Variants in IGFBP7 observed in about 807,000 individuals in gnomAD.
The protein encoded by IGFBP7 is insulin-like growth factor-binding protein 7.
In IGFBP7, 31 loss-of-function variants were observed where a neutral mutation model predicts 29.4. That is an observed-to-expected ratio of 1.05 (90% CI 0.79 to 1.42). The LOEUF is 1.42. Ranked by LOEUF, IGFBP7 falls within the 40% of genes most tolerant of loss-of-function variation. The pLI, the probability that IGFBP7 is intolerant of heterozygous loss-of-function variation, is 0.00. For missense variants in IGFBP7, 393 were observed against 395.5 expected (o/e 0.99, Z 0.05); for synonymous variants, 172 against 174.9 (o/e 0.98, Z 0.13).
In IGFBP7 at chr4:57,110,354, C is replaced by A. The variant is rs11573020; in HGVS notation, c.-3G>T. On this transcript the variant is annotated 5_prime_UTR_variant, in exon 1 of 5. Coordinates refer to ENST00000295666, the MANE Select transcript of IGFBP7 (RefSeq NM_001553.3). ...GCGCGCAGCGACGGCCGCTCCATGG[C>A]GGGGTGCGGTGGCAGCGGCAAGGGC... 3.0e-6 allele frequency: 4 copies of A among 1,350,416 alleles called. No individual in the cohort carries two copies. The East Asian group carries it at 9.5e-5, about 32-fold the overall frequency. 83.7% of individuals were successfully genotyped at this position (1,350,416 alleles called of 1,614,324 possible). A position where few individuals can be genotyped will look rare whatever the true frequency, so the allele number is the denominator to read the frequency against.
At chr4:57,091,152 C>G (rs1259453933) in intron 1 of IGFBP7, among the ~76,000 whole-genome samples, 1 of 152,158 alleles carries the variant, frequency 6.6e-6, no homozygotes, top group African/African-American at 2.4e-5. Context: ...TCTTCAAAAA[C>G]ACACACACGG....
intron 1 of IGFBP7, among the ~76,000 whole-genome samples, chr4:57,065,268 A>G (rs1724891342): frequency 6.6e-6 from 1 of 152,230 alleles, no homozygotes; most frequent in East Asian, 1.9e-4. Flanking sequence ...CACACACATA[A>G]GCAAAACCCA....
At chr4:57,043,524 A>G (rs998955321) in intron 1 of IGFBP7, among the ~76,000 whole-genome samples, 6 of 152,240 alleles carry the variant, frequency 3.9e-5, no homozygotes, top group African/African-American at 1.2e-4. Flanking sequence ...TTCTTGAAAC[A>G]GAAAGGAAAT....
chr4:57,110,281 G>A lies in IGFBP7; in HGVS notation c.71C>T (p.Ser24Phe). The change falls in exon 1 of 5, where the codon TCC becomes TTC. Residue 24 changes from serine to phenylalanine, a missense_variant. Ser to Phe is a radical substitution (Grantham distance 155, BLOSUM62 -2). Coordinates refer to ENST00000295666, the MANE Select transcript of IGFBP7 (RefSeq NM_001553.3). Reference sequence around the variant, plus strand: ...GCAGGTGTCCGAAGAGGAGGAAGAGGAGAGGGGCAGGAGCAGGAGCAGCAG... The same window carrying A: ...GCAGGTGTCCGAAGAGGAGGAAGAGAAGAGGGGCAGGAGCAGGAGCAGCAG... Reference protein sequence around the residue: ...AGLLLLLLPLSSSSSSDTCGP... With the variant: ...AGLLLLLLPLFSSSSSDTCGP... 1 of 1,428,922 alleles carries A rather than the reference G, an allele frequency of 7.0e-7. No homozygotes were observed. Among genetic ancestry groups the A allele is most frequent in the Non-Finnish European group, 9.2e-7 (1 of 1,092,302 alleles). The allele number at this position is 1,428,922 out of a possible 1,614,324, so 88.5% of individuals were successfully genotyped here.
chr4:57,039,643 C>CTTTT (rs10716496), intron 2 of IGFBP7, among the ~76,000 whole-genome samples: 10 of 128,664 alleles, frequency 7.8e-5, no homozygotes, highest in East Asian at 4.6e-4. Context: ...AATTCACACT[C>CTTTT]TTTTTTTTTT....
intron 1 of IGFBP7, among the ~76,000 whole-genome samples, chr4:57,099,984 C>T (rs951476966): frequency 6.6e-6 from 1 of 152,054 alleles, no homozygotes; most frequent in Non-Finnish European, 1.5e-5. Flanking sequence ...GGATCCTCTG[C>T]ATCAGCCTCC....
intron 1 of IGFBP7, among the ~76,000 whole-genome samples, chr4:57,087,789 C>A (rs1263131124): frequency 1.3e-5 from 2 of 152,202 alleles, no homozygotes; most frequent in Non-Finnish European, 1.5e-5. Flanking sequence ...GTCCTGCTTG[C>A]TCCATTTCAC....
At chr4:57,065,523 C>T (rs1480285762) in intron 1 of IGFBP7, 1 of 152,228 alleles carries the variant, frequency 6.6e-6, no homozygotes, top group African/African-American at 2.4e-5. Flanking sequence ...TGCCAACAGG[C>T]AAACACCCCC....
At chr4:57,077,671 T>G (rs1725259745) in intron 1 of IGFBP7, among the ~76,000 whole-genome samples, 1 of 152,202 alleles carries the variant, frequency 6.6e-6, no homozygotes, top group East Asian at 1.9e-4. Context: ...CAGCCTTCAG[T>G]TGAATCTTGT....
At chr4:57,044,666 C>T (rs1724315384) in intron 1 of IGFBP7, among the ~76,000 whole-genome samples, 1 of 151,818 alleles carries the variant, frequency 6.6e-6, no homozygotes, top group Non-Finnish European at 1.5e-5. Context: ...GTAAGACCCA[C>T]TGTATATGTG....
chr4:57,037,483 C>T (rs1301802555), intron 2 of IGFBP7, among the ~76,000 whole-genome samples: 3 of 151,836 alleles, frequency 2.0e-5, no homozygotes, highest in African/African-American at 7.3e-5. Context: ...TCAAGCGATC[C>T]TCCCACCTCA....
chr4:57,092,167 C>G (rs1196878737), intron 1 of IGFBP7, among the ~76,000 whole-genome samples: 6 of 152,164 alleles, frequency 3.9e-5, no homozygotes, highest in Non-Finnish European at 8.8e-5. Flanking sequence ...GCTGCCCTTA[C>G]AACAAACATT....
intron 1 of IGFBP7, among the ~76,000 whole-genome samples, chr4:57,065,316 G>C (rs1724892218): frequency 6.6e-6 from 1 of 152,242 alleles, no homozygotes; most frequent in East Asian, 1.9e-4. Context: ...TGGAGCAAAA[G>C]AGATGAGTTT....
rs149387233 is a variant in IGFBP7 at position 57,049,600 on chromosome 4, C to T, written c.476-8667G>A. Among the ~76,000 whole-genome samples the T allele has an allele frequency of 5.3e-3, 808 of 152,184 alleles. 3 individuals carry two copies. The highest frequency in any genetic ancestry group is 0.018 in the South Asian group (86 of 4,826). On this transcript the variant is annotated intron_variant, in intron 1 of 4. Coordinates refer to ENST00000295666, the MANE Select transcript of IGFBP7 (RefSeq NM_001553.3). ...TTTCATTTCTCTTTGACATTTTTTG[C>T]GGCCTGACAGCTTCAGGCTCCCCCT...
Position 57,030,935 on chromosome 4 carries a change from T to C in IGFBP7, c.*382A>G. The C allele has an allele frequency of 6.2e-7, 1 of 1,610,814 alleles. No homozygotes were observed. The highest frequency in any genetic ancestry group is 1.7e-4 in the Middle Eastern group (1 of 6,036). On this transcript the variant is annotated 3_prime_UTR_variant, in exon 5 of 5. Transcript: ENST00000295666. ...GCGAATGCCTTACGCATGCAAACTA[T>C]TGTTTCAGGAACTTATGTCTATGAG...
At chr4:57,051,739 C>T (rs778420286) in intron 1 of IGFBP7, among the ~76,000 whole-genome samples, 3 of 152,178 alleles carry the variant, frequency 2.0e-5, no homozygotes, top group Non-Finnish European at 4.4e-5. Flanking sequence ...TTTCACTTCC[C>T]CTGCTTTATT....
At chr4:57,059,878 A>C (rs1036629630) in intron 1 of IGFBP7, among the ~76,000 whole-genome samples, 1 of 152,230 alleles carries the variant, frequency 6.6e-6, no homozygotes, top group Admixed American at 6.5e-5. Context: ...TAATTCCTTA[A>C]GGGGAAATTC....
At chr4:57,094,545 G>A (rs1049478102) in intron 1 of IGFBP7, among the ~76,000 whole-genome samples, 1 of 152,202 alleles carries the variant, frequency 6.6e-6, no homozygotes, top group Non-Finnish European at 1.5e-5. Flanking sequence ...CTAACATCTT[G>A]TAGGAGGGTG....
intron 1 of IGFBP7, among the ~76,000 whole-genome samples, chr4:57,065,916 C>G (rs1231637064): frequency 1.3e-5 from 2 of 152,166 alleles, no homozygotes; most frequent in South Asian, 4.1e-4. Context: ...TCCCAGAGGA[C>G]TCTCAGGGTT....
Sources: gnomAD v4.1 joint callset for allele counts (sites outside exome capture counted in the v4.1 genomes callset) on GRCh38, gnomAD v4.1.1 for gene constraint, MANE v1.5 for transcripts, NCBI Gene and HGNC (gene_info 2026-07-23, HGNC 2026-07-21) for gene names.